Variants in EPHB1 observed in about 807,000 individuals in gnomAD.
The protein encoded by EPHB1 is EPH receptor B1.
A neutral mutation model predicts 94.4 loss-of-function variants in EPHB1; 30 were observed. That is an observed-to-expected ratio of 0.32 (90% CI 0.24 to 0.43). The LOEUF (loss-of-function observed/expected upper bound fraction) is 0.43, where lower values mean the gene tolerates loss of function less well. Ranked by LOEUF, EPHB1 falls within the 20% of genes least tolerant of loss-of-function variation. The pLI, the probability that EPHB1 is intolerant of heterozygous loss-of-function variation, is 1.00. For synonymous variants in EPHB1, 522 were observed against 489.1 expected (o/e 1.07, Z -0.89); for missense variants, 1,055 against 1,308.3 (o/e 0.81, Z 2.99).
intron 12 of EPHB1, among the ~76,000 whole-genome samples, chr3:135,202,884 G>C (rs1942795601): frequency 6.6e-6 from 1 of 152,148 alleles, no homozygotes; most frequent in South Asian, 2.1e-4. Flanking sequence ...ATACCCAAAG[G>C]ATTAAAAATC....
intron 3 of EPHB1, among the ~76,000 whole-genome samples, chr3:135,089,635 G>T (rs890454268): frequency 2.0e-5 from 3 of 152,190 alleles, no homozygotes; most frequent in African/African-American, 7.2e-5. Flanking sequence ...AAGCCTGAAA[G>T]GTGAGAGTGG....
chr3:135,071,466 T>A (rs1429343145), intron 3 of EPHB1, among the ~76,000 whole-genome samples: 1 of 152,164 alleles, frequency 6.6e-6, no homozygotes, highest in Non-Finnish European at 1.5e-5. Context: ...GGGAAAGGAT[T>A]TAGGTGGCTT....
At chr3:135,144,357 A>C (rs142565300) in intron 5 of EPHB1, among the ~76,000 whole-genome samples, 186 of 152,298 alleles carry the variant, frequency 1.2e-3, no homozygotes, top group African/African-American at 4.1e-3. Context: ...CAAACTTGAG[A>C]ATGTGTCAGA....
intron 6 of EPHB1, among the ~76,000 whole-genome samples, chr3:135,154,689 T>C (rs1941297659): frequency 6.6e-6 from 1 of 152,212 alleles, no homozygotes; most frequent in Non-Finnish European, 1.5e-5. Context: ...TATTTATAAA[T>C]TATATGCATG....
At chr3:134,919,836 G>T (rs894081597) in intron 1 of EPHB1, among the ~76,000 whole-genome samples, 1 of 144,682 alleles carries the variant, frequency 6.9e-6, no homozygotes, top group Non-Finnish European at 1.5e-5. Flanking sequence ...CTGTCTTAGG[G>T]CAGGGGTGTG....
chr3:135,048,264 T>TC (rs1353925283), intron 3 of EPHB1, among the ~76,000 whole-genome samples: 8 of 128,292 alleles, frequency 6.2e-5, no homozygotes, highest in Admixed American at 7.5e-5. Flanking sequence ...TTTTTCTTTT[T>TC]TTTTTTTTTT....
At chr3:134,920,448 A>G (rs376122281) in intron 1 of EPHB1, among the ~76,000 whole-genome samples, 29 of 152,292 alleles carry the variant, frequency 1.9e-4, no homozygotes, top group South Asian at 1.0e-3. Flanking sequence ...AAATGACTGT[A>G]CGGTGGCGCT....
chr3:134,978,790 C>T (rs980333889), intron 3 of EPHB1, among the ~76,000 whole-genome samples: 5 of 152,212 alleles, frequency 3.3e-5, no homozygotes, highest in African/African-American at 1.2e-4. Flanking sequence ...CCAGGTTGCT[C>T]CTGTGGCTCT....
chr3:135,053,040 T>TATAC (rs1937237718), intron 3 of EPHB1, among the ~76,000 whole-genome samples: 1 of 133,406 alleles, frequency 7.5e-6, no homozygotes, highest in Non-Finnish European at 1.6e-5. Flanking sequence ...TATATATATA[T>TATAC]ATATATATAT....
intron 4 of EPHB1, among the ~76,000 whole-genome samples, chr3:135,124,431 T>A (rs1314617533): frequency 1.3e-5 from 2 of 151,798 alleles, no homozygotes; most frequent in African/African-American, 4.9e-5. Flanking sequence ...GCAGTGTCTG[T>A]GTCACTGTCT....
intron 12 of EPHB1, among the ~76,000 whole-genome samples, chr3:135,224,291 A>T (rs1239684405): frequency 1.3e-5 from 2 of 152,218 alleles, no homozygotes; most frequent in African/African-American, 4.8e-5. Context: ...CTTTTATGAC[A>T]TTGACTTGTT....
At chr3:134,884,726 A>C (rs2037827674) in intron 1 of EPHB1, among the ~76,000 whole-genome samples, 1 of 152,222 alleles carries the variant, frequency 6.6e-6, no homozygotes, top group Non-Finnish European at 1.5e-5. Flanking sequence ...AGAACAAGGT[A>C]TGGGGCACGG....
chr3:135,211,337 T>G lies in EPHB1; in HGVS notation c.2346+9648T>G, dbSNP rs912004160. 5.9e-5 allele frequency among the ~76,000 whole-genome samples: 9 copies of G among 152,296 alleles called. No individual in the cohort carries two copies. The South Asian group carries it at 1.5e-3, about 25-fold the overall frequency. On this transcript the variant is annotated intron_variant, in intron 12 of 15. Transcript: ENST00000398015. ...AACAGCCATGTGTATTTTAAAGAAA[T>G]CAAGAGGAAAATGTTTTACATTGCC...
rs574576286 is a variant in EPHB1 at position 134,909,109 on chromosome 3, T to TGGGC, written c.59-16704_59-16703insCGGG. ...CCATCAGAGAACAGTACACACAAGGTGGGGGCGGGGGGCGGGCTGGAAGAA... is the reference window on the plus strand; with the variant it reads ...CCATCAGAGAACAGTACACACAAGGTGGGCGGGGGCGGGGGGCGGGCTGGAAGAA... On this transcript the variant is annotated intron_variant, in intron 1 of 15. Coordinates refer to ENST00000398015, the MANE Select transcript of EPHB1 (RefSeq NM_004441.5). Among the ~76,000 whole-genome samples the TGGGC allele has an allele frequency of 9.4e-3, 772 of 82,512 alleles. 29 individuals carry two copies. Among genetic ancestry groups the TGGGC allele is most frequent in the African/African-American group, 0.035 (680 of 19,688 alleles). The allele number at this position is 82,512 out of a possible 152,430, so 54.1% of individuals were successfully genotyped here.
chr3:135,035,574 C>T (rs146738744), intron 3 of EPHB1, among the ~76,000 whole-genome samples: 1 of 152,126 alleles, frequency 6.6e-6, no homozygotes, highest in African/African-American at 2.4e-5. Context: ...TGAAATCTAG[C>T]GTGTTCTGTT....
At chr3:135,076,641 C>A (rs538078049) in intron 3 of EPHB1, among the ~76,000 whole-genome samples, 5 of 152,224 alleles carry the variant, frequency 3.3e-5, no homozygotes, top group Non-Finnish European at 7.4e-5. Context: ...GACTTGCATG[C>A]AGATATTCAC....
chr3:134,947,104 A>G (rs1302927372), intron 2 of EPHB1, among the ~76,000 whole-genome samples: 1 of 152,228 alleles, frequency 6.6e-6, no homozygotes, highest in Non-Finnish European at 1.5e-5. Flanking sequence ...TCACTAGATT[A>G]TAAGCTTCAT....
chr3:135,122,448 G>T (rs989079844), intron 4 of EPHB1, among the ~76,000 whole-genome samples: 4 of 152,108 alleles, frequency 2.6e-5, no homozygotes, highest in Admixed American at 2.6e-4. Context: ...ATTTTCAGGG[G>T]TGGCAGCATA....
At chr3:134,818,992 G>A (rs1208172317) in intron 1 of EPHB1, among the ~76,000 whole-genome samples, 1 of 152,204 alleles carries the variant, frequency 6.6e-6, no homozygotes, top group Admixed American at 6.5e-5. Flanking sequence ...AACAGGAGGT[G>A]GAGGCAGGAG....
Sources: allele counts gnomAD v4.1 joint callset (sites outside exome capture counted in the v4.1 genomes callset), GRCh38; gene constraint gnomAD v4.1.1; transcripts MANE v1.5; gene names NCBI Gene and HGNC (gene_info 2026-07-23, HGNC 2026-07-21).